Variants in HERC3 observed in about 807,000 individuals in gnomAD.
HERC3 encodes probable E3 ubiquitin-protein ligase HERC3.
In HERC3, 58 loss-of-function variants were observed where a neutral mutation model predicts 129.9. The observed-to-expected ratio is 0.45, with a 90% CI of 0.36 to 0.56. The LOEUF (loss-of-function observed/expected upper bound fraction) is 0.56, where lower values mean the gene tolerates loss of function less well. Ranked by LOEUF, HERC3 falls within the 20% of genes least tolerant of loss-of-function variation. The probability of loss-of-function intolerance (pLI) is 0.00; values close to 1 mark genes in which losing one functional copy is unlikely to be tolerated. For missense variants in HERC3, 835 were observed against 1,244.2 expected, an observed-to-expected ratio of 0.67 and a Z score of 4.95; for synonymous variants, 430 against 451.0, an observed-to-expected ratio of 0.95 and a Z score of 0.59.
intron 11 of HERC3, among the ~76,000 whole-genome samples, chr4:88,662,828 G>T (rs543450814): frequency 6.6e-6 from 1 of 152,190 alleles, no homozygotes; most frequent in African/African-American, 2.4e-5. Context: ...ATGAAGGCCT[G>T]AGTTGGTGAT....
At chr4:88,574,760 G>A in the HERC3 span, among the ~76,000 whole-genome samples, 3 of 152,036 alleles carry the variant, frequency 2.0e-5, no homozygotes, top group African/African-American at 4.8e-5. Context: ...ACTACCTTTC[G>A]AAGGCCGAAT....
At chr4:88,590,086 G>A (rs1721623481), upstream of HERC3, among the ~76,000 whole-genome samples, 1 of 151,536 alleles carries the variant, frequency 6.6e-6, no homozygotes, top group East Asian at 1.9e-4. Context: ...TGGCCAACAT[G>A]GTGAAATCCC....
chr4:88,661,264 C>T (rs1013242398), intron 10 of HERC3, among the ~76,000 whole-genome samples: 4 of 152,198 alleles, frequency 2.6e-5, no homozygotes, highest in African/African-American at 9.6e-5. Context: ...GTATGTTGTA[C>T]TTCAAGATGA....
At position 88,681,221 on chromosome 4, in the gene HERC3, C is replaced by T; in HGVS notation, c.2403C>T (p.Asn801=). The T allele has an allele frequency of 1.2e-6, 2 of 1,614,008 alleles. No individual in the cohort carries two copies. Among genetic ancestry groups the T allele is most frequent in the South Asian group, 1.1e-5 (1 of 91,080 alleles). Residue 801 remains asparagine (N), a synonymous_variant, in exon 21 of 26, where the codon AAC becomes AAT. Transcript: ENST00000402738. ...IGITCGLAIY[N]STVVDLHFPL... is the part of the protein sequence containing the mutation. ...TAACCTGTGGACTAGCTATCTACAA[C>T]TCCACTGTGGTCGATCTCCACTTCC... is the stretch of plus-strand genomic sequence containing the variant.
chr4:88,631,863 T>C (rs2860401), intron 3 of HERC3, among the ~76,000 whole-genome samples: 1 of 152,168 alleles, frequency 6.6e-6, no homozygotes, highest in Non-Finnish European at 1.5e-5. Flanking sequence ...GATAAGTACA[T>C]GCCTTCCTGT....
rs898458445 is a variant in HERC3, at chr4:88,704,219, C to A, written c.2779C>A (p.Pro927Thr). ...CGGKVLELFQ[P>T]SELRAMMVGN... ...TGGCAAAGTACTTGAGCTCTTCCAG[C>A]CTTCAGAACTGAGGGCTATGATGGT... The change falls in exon 24 of 26, where the codon CCT (proline) becomes ACT (threonine). Residue 927 changes from proline (P) to threonine (T), a missense_variant. Transcript: ENST00000402738. 1 of 1,613,980 alleles carries A rather than the reference C, an allele frequency of 6.2e-7. No homozygotes were observed. The highest frequency in any genetic ancestry group is 8.5e-7 in the Non-Finnish European group (1 of 1,180,020).
chr4:88,555,078 G>A, the HERC3 span, among the ~76,000 whole-genome samples: 1 of 152,090 alleles, frequency 6.6e-6, no homozygotes, highest in Admixed American at 6.5e-5. Context: ...GAGGTCAAGA[G>A]ATTGAGACCA....
chr4:88,697,236 G>C, intron 23 of HERC3: 3 of 1,528,076 alleles, frequency 2.0e-6, no homozygotes, highest in East Asian at 2.3e-5. Flanking sequence ...GCATCTCGGC[G>C]TGGGCATCGT....
the HERC3 span, among the ~76,000 whole-genome samples, chr4:88,577,545 C>G: frequency 7.5e-6 from 1 of 133,108 alleles, no homozygotes; most frequent in Non-Finnish European, 1.5e-5. Context: ...TTTGACTAAA[C>G]TGTTTTTTGC....
intron 3 of HERC3, among the ~76,000 whole-genome samples, chr4:88,612,122 T>C (rs1448965209): frequency 1.3e-5 from 2 of 152,184 alleles, no homozygotes; most frequent in Non-Finnish European, 2.9e-5. Context: ...GCCAGAGCAG[T>C]GATATAAAGC....
upstream of HERC3, among the ~76,000 whole-genome samples, chr4:88,589,684 CTGT>C (rs1721613943): frequency 6.6e-6 from 1 of 152,136 alleles, no homozygotes; most frequent in African/African-American, 2.4e-5. Flanking sequence ...TACGTATCTG[CTGT>C]TAAGACTATT....
chr4:88,576,737 T>C, the HERC3 span, among the ~76,000 whole-genome samples: 2 of 152,192 alleles, frequency 1.3e-5, no homozygotes, highest in Non-Finnish European at 2.9e-5. Context: ...TAAAATGCTC[T>C]TAGTACAGAT....
chr4:88,607,690 A>G (rs545782438), intron 3 of HERC3, among the ~76,000 whole-genome samples: 3 of 152,128 alleles, frequency 2.0e-5, no homozygotes, highest in African/African-American at 4.8e-5. Flanking sequence ...GCTGGTCTCA[A>G]ACTCTTGAGC....
intron 2 of HERC3, among the ~76,000 whole-genome samples, chr4:88,600,800 A>G (rs541256111): frequency 1.3e-5 from 2 of 151,880 alleles, no homozygotes; most frequent in East Asian, 3.9e-4. Flanking sequence ...TCATGCATGA[A>G]AGAAACTTAC....
intron 3 of HERC3, among the ~76,000 whole-genome samples, chr4:88,610,341 TACTC>T (rs1724160799): frequency 6.6e-6 from 1 of 151,140 alleles, no homozygotes; most frequent in African/African-American, 2.4e-5. Flanking sequence ...TAATCCCAGT[TACTC>T]AGGAGGCTAA....
chr4:88,542,034 G>C, the HERC3 span, among the ~76,000 whole-genome samples: 2 of 152,114 alleles, frequency 1.3e-5, no homozygotes, highest in Non-Finnish European at 2.9e-5. Flanking sequence ...ACAATTAAAA[G>C]AACTAGAGAA....
chr4:88,655,370 A>T (rs1729771487), intron 8 of HERC3, 66 bp downstream of exon 8: 1 of 1,566,568 alleles, frequency 6.4e-7, no homozygotes, highest in African/African-American at 1.4e-5. Flanking sequence ...CTTTGTAGTG[A>T]TGAAGAATGT....
chr4:88,627,118 T>C (rs1416873908), intron 3 of HERC3, among the ~76,000 whole-genome samples: 2 of 152,202 alleles, frequency 1.3e-5, no homozygotes, highest in East Asian at 1.9e-4. Context: ...TAAAATACTT[T>C]GTAATAATTC....
intron 9 of HERC3, among the ~76,000 whole-genome samples, chr4:88,657,710 G>A (rs1406963333): frequency 2.0e-5 from 3 of 152,200 alleles, no homozygotes; most frequent in Non-Finnish European, 4.4e-5. Context: ...GGAGCACAGA[G>A]GAAGGCATGG....
Sources: gnomAD v4.1 joint callset for allele counts (sites outside exome capture counted in the v4.1 genomes callset) on GRCh38, gnomAD v4.1.1 for gene constraint, MANE v1.5 for transcripts, NCBI Gene and HGNC (gene_info 2026-07-23, HGNC 2026-07-21) for gene names.